The following PPP2R5C variants were observed in gnomAD, a reference collection of about 807,000 sequenced individuals.
PPP2R5C encodes serine/threonine-protein phosphatase 2A 56 kDa regulatory subunit gamma isoform.
In PPP2R5C, 7 loss-of-function variants were observed where a neutral mutation model predicts 68.9. The ratio of observed to expected loss-of-function variants is 0.10; its 90% confidence interval spans 0.06 to 0.19. PPP2R5C has a LOEUF of 0.19. Ranked by LOEUF, PPP2R5C falls within the 10% of genes least tolerant of loss-of-function variation. The probability of loss-of-function intolerance (pLI) is 1.00; values close to 1 mark genes in which losing one functional copy is unlikely to be tolerated. For synonymous variants in PPP2R5C, 210 were observed against 222.2 expected (o/e 0.95, Z 0.49); for missense variants, 348 against 641.3 (o/e 0.54, Z 4.94).
chr14:101,847,905 CCCT>C (rs914074387), intron 1 of PPP2R5C, among the ~76,000 whole-genome samples: 1 of 152,118 alleles, frequency 6.6e-6, no homozygotes, highest in Non-Finnish European at 1.5e-5. Context: ...TCATGATCTG[CCCT>C]CCTCGGCCTT....
intron 2 of PPP2R5C, among the ~76,000 whole-genome samples, chr14:101,769,884 A>G (rs745928783): frequency 5.3e-5 from 8 of 152,274 alleles, no homozygotes; most frequent in East Asian, 1.9e-4. Flanking sequence ...TTGTTAGGCA[A>G]TGTTGTTGTT....
At chr14:101,794,013 TG>T (rs1161124025) in intron 3 of PPP2R5C, among the ~76,000 whole-genome samples, 1 of 152,164 alleles carries the variant, frequency 6.6e-6, no homozygotes, top group Non-Finnish European at 1.5e-5. Context: ...CAGCTGAGCC[TG>T]GGGTTTTTAT....
At chr14:101,778,719 T>C (rs2037539785) in intron 2 of PPP2R5C, among the ~76,000 whole-genome samples, 1 of 152,226 alleles carries the variant, frequency 6.6e-6, no homozygotes. Flanking sequence ...TGTATGTCTG[T>C]CCTTATGCCA....
chr14:101,877,116 G>A lies in PPP2R5C; in HGVS notation c.295-5045G>A, dbSNP rs1005488852. Reference sequence around the variant, plus strand: ...GGCACCCACCACCACACCCAGCTAAGTTTTGTATTTTTAGTGGAGATGGGG... The same window carrying A: ...GGCACCCACCACCACACCCAGCTAAATTTTGTATTTTTAGTGGAGATGGGG... On this transcript the variant is annotated intron_variant, in intron 2 of 13. Coordinates refer to ENST00000334743, the Ensembl canonical transcript of PPP2R5C. The surrounding 1 kb of genome is among the most constrained non-coding windows in gnomAD (Gnocchi z 4.2). Among the ~76,000 whole-genome samples, 5 of 151,642 alleles carry A rather than the reference G, an allele frequency of 3.3e-5. No homozygotes were observed. The highest frequency in any genetic ancestry group is 7.4e-5 in the Non-Finnish European group (5 of 67,858).
At chr14:101,869,404 G>A (rs145263725) in intron 2 of PPP2R5C, among the ~76,000 whole-genome samples, 17 of 152,220 alleles carry the variant, frequency 1.1e-4, no homozygotes, top group African/African-American at 3.4e-4. Flanking sequence ...CTTACATACC[G>A]ATTTTAGACA....
intron 1 of PPP2R5C, among the ~76,000 whole-genome samples, chr14:101,841,825 G>A (rs2041492510): frequency 6.6e-6 from 1 of 152,226 alleles, no homozygotes; most frequent in Admixed American, 6.5e-5. Flanking sequence ...TGGACAGCCA[G>A]GAGGCTGGAG....
chr14:101,851,657 G>A (rs891963116), intron 1 of PPP2R5C, among the ~76,000 whole-genome samples: 1 of 151,898 alleles, frequency 6.6e-6, no homozygotes, highest in African/African-American at 2.4e-5. Context: ...GCTCCATCGG[G>A]GTAATGCTTA....
At chr14:101,904,132 G>T (rs2045885389) in intron 9 of PPP2R5C, among the ~76,000 whole-genome samples, 1 of 152,058 alleles carries the variant, frequency 6.6e-6, no homozygotes. Flanking sequence ...GTGGGTGGGT[G>T]GATGGATGGA....
In PPP2R5C at chr14:101,906,663, C is replaced by G; in HGVS notation, c.1151+134C>G. On this transcript the variant is annotated intron_variant, in intron 10 of 13. Transcript: ENST00000334743. The surrounding 1 kb of genome is among the most constrained non-coding windows in gnomAD (Gnocchi z 4.0). ...AAGAAGGTCAGTTGCTTTGTGGACT[C>G]ATAAATTAAGTAGCAGCGTGGGTTG... The G allele has an allele frequency of 8.2e-7, 1 of 1,222,564 alleles. No homozygotes were observed. The highest frequency in any genetic ancestry group is 1.1e-6 in the Non-Finnish European group (1 of 891,424). The allele number at this position is 1,222,564 out of a possible 1,614,324, so 75.7% of individuals were successfully genotyped here. A position where few individuals can be genotyped will look rare whatever the true frequency, so the allele number is the denominator to read the frequency against.
chr14:101,818,732 T>C (rs2039866323), intron 1 of PPP2R5C: 1 of 309,346 alleles, frequency 3.2e-6, no homozygotes, highest in Admixed American at 4.4e-5. Context: ...CAGATGTTGC[T>C]TTAATTAAAT....
upstream of PPP2R5C, among the ~76,000 whole-genome samples, chr14:101,809,171 A>G (rs958706979): frequency 3.3e-5 from 5 of 152,190 alleles, no homozygotes; most frequent in African/African-American, 1.2e-4. Context: ...GCCAGGTGAT[A>G]TAAATATTTC....
chr14:101,852,733 A>G (rs752661155), intron 1 of PPP2R5C, among the ~76,000 whole-genome samples: 1 of 151,898 alleles, frequency 6.6e-6, no homozygotes, highest in Non-Finnish European at 1.5e-5. Context: ...CGGCCTCCCA[A>G]AGCGCTGGGA....
chr14:101,842,429 G>A (rs758940291), intron 1 of PPP2R5C, among the ~76,000 whole-genome samples: 12 of 152,286 alleles, frequency 7.9e-5, no homozygotes, highest in South Asian at 4.2e-4. Flanking sequence ...CCTGGTGAGC[G>A]GCCACTGGAG....
Position 101,882,555 on chromosome 14 carries a change from C to T in PPP2R5C, c.405+284C>T, listed in dbSNP as rs1054067810. On this transcript the variant is annotated intron_variant, in intron 3 of 13. Transcript: ENST00000334743. The surrounding 1 kb of genome is among the most constrained non-coding windows in gnomAD (Gnocchi z 4.9). ...TGAATTGAATTCAGGCCCAGAGGTC[C>T]TAAGCCAACAATCTCCCAGTTTTTG... 1 of 279,204 alleles carries T rather than the reference C, an allele frequency of 3.6e-6. No individual in the cohort carries two copies. The highest frequency in any genetic ancestry group is 6.7e-6 in the Non-Finnish European group (1 of 150,360). The allele number at this position is 279,204 out of a possible 1,614,324, so 17.3% of individuals were successfully genotyped here. A position where few individuals can be genotyped will look rare whatever the true frequency, so the allele number is the denominator to read the frequency against.
intron 1 of PPP2R5C, among the ~76,000 whole-genome samples, chr14:101,844,478 T>A (rs1595356749): frequency 6.6e-6 from 1 of 152,134 alleles, no homozygotes; most frequent in Non-Finnish European, 1.5e-5. Context: ...GCCCGGTAGG[T>A]CCTGGCACAC....
Position 101,835,965 on chromosome 14 carries a change from C to T in PPP2R5C, c.95-20721C>T, listed in dbSNP as rs79467866. Among the ~76,000 whole-genome samples the T allele has an allele frequency of 0.089, 13,545 of 152,184 alleles. 697 individuals are homozygous for T. Among genetic ancestry groups the T allele is most frequent in the Admixed American group, 0.14 (2,151 of 15,288 alleles). Reference sequence around the variant, plus strand: ...GGGAAAAGTTACAGTAATATATTACCAGCATGTAGAAAATACCCAATAATG... The same window carrying T: ...GGGAAAAGTTACAGTAATATATTACTAGCATGTAGAAAATACCCAATAATG... On this transcript the variant is annotated intron_variant, in intron 1 of 13. Transcript: ENST00000334743. The surrounding 1 kb of genome is among the most constrained non-coding windows in gnomAD (Gnocchi z 5.0).
At chr14:101,831,656 C>A in intron 1 of PPP2R5C, 1 of 657,980 alleles carries the variant, frequency 1.5e-6, no homozygotes. Context: ...CAAGTTTGAA[C>A]TGCACAGGTC....
At chr14:101,815,425 G>A (rs371064309) in intron 1 of PPP2R5C, among the ~76,000 whole-genome samples, 16 of 152,230 alleles carry the variant, frequency 1.1e-4, no homozygotes, top group East Asian at 3.9e-4. Context: ...GTTTACATGC[G>A]TATGTTCTTG....
chr14:101,882,286 G>A lies in PPP2R5C; in HGVS notation c.405+15G>A, dbSNP rs1284086538. Reference sequence around the variant, plus strand: ...CTCATCTACAGGTATCGGGCTCTGGGTGATAGACTCGGAGGGCACTGGTGA... The same window carrying A: ...CTCATCTACAGGTATCGGGCTCTGGATGATAGACTCGGAGGGCACTGGTGA... On this transcript the variant is annotated intron_variant, in intron 3 of 13. Transcript: ENST00000334743. The surrounding 1 kb of genome is among the most constrained non-coding windows in gnomAD (Gnocchi z 4.9). The A allele has an allele frequency of 2.5e-6, 4 of 1,585,308 alleles. No homozygotes were observed. In the South Asian group the frequency reaches 4.5e-5, roughly 18 times the overall value.
Sources: gnomAD v4.1 joint callset for allele counts (sites outside exome capture counted in the v4.1 genomes callset) on GRCh38, gnomAD v4.1.1 for gene constraint, Gnocchi (gnomAD v3.1) non-coding constraint, MANE v1.5 for transcripts, NCBI Gene and HGNC (gene_info 2026-07-23, HGNC 2026-07-21) for gene names.